NOP2: variants seen among roughly 807,000 people sequenced by gnomAD.
The protein encoded by NOP2 is 28S rRNA (cytosine(4447)-C(5))-methyltransferase.
NOP2 carries 7 observed loss-of-function variants against 72.7 expected under a neutral mutation model. That is an observed-to-expected ratio of 0.10 (90% CI 0.05 to 0.18). NOP2 has a LOEUF of 0.18. Ranked by LOEUF, NOP2 falls within the 10% of genes least tolerant of loss-of-function variation. NOP2 has a pLI of 1.00. For missense variants in NOP2, 954 were observed against 1,014.7 expected, an observed-to-expected ratio of 0.94 and a Z score of 0.81; for synonymous variants, 387 against 388.0, an observed-to-expected ratio of 1.00 and a Z score of 0.03.
In NOP2 at chr12:6,560,895, G is replaced by C. The variant is rs750899806; in HGVS notation, c.1347+36C>G. ...GGTCAGGAAGGGAGAAGGTCAACCGGAAGAAGCCTCAGAAGACACACAGCT... is the reference window on the plus strand; with the variant it reads ...GGTCAGGAAGGGAGAAGGTCAACCGCAAGAAGCCTCAGAAGACACACAGCT... On this transcript the variant is annotated intron_variant, in intron 12 of 15. Transcript: ENST00000322166. The surrounding 1 kb of genome is among the most constrained non-coding windows in gnomAD (Gnocchi z 5.0). 2 of 1,612,934 alleles carry C rather than the reference G, an allele frequency of 1.2e-6. No homozygotes were observed. Among genetic ancestry groups the C allele is most frequent in the South Asian group, 2.2e-5 (2 of 90,952 alleles).
At chr12:6,567,000 T>TTTCA (rs1392876063) in intron 2 of NOP2, among the ~76,000 whole-genome samples, 178 bp from the exon 3 acceptor site, 1 of 151,458 alleles carries the variant, frequency 6.6e-6, no homozygotes, top group Non-Finnish European at 1.5e-5. Flanking sequence ...TGAAATGGAG[T>TTTCA]TTCACTCTTG....
At chr12:6,562,014 A>T in intron 9 of NOP2, 43 bp from the exon 10 acceptor site, 1 of 1,361,254 alleles carries the variant, frequency 7.3e-7, no homozygotes, top group Non-Finnish European at 1.0e-6. Context: ...TTTGAGATGG[A>T]GTCTCACTCT....
rs575737375 is a variant in NOP2, at chr12:6,556,937, C to A, written c.*56G>T. 6.0e-5 allele frequency: 96 copies of A among 1,597,218 alleles called. No homozygotes were observed. In the African/African-American group the frequency reaches 1.2e-3, roughly 20 times the overall value. Reference sequence around the variant, plus strand: ...AGTAGAGAAGGCATCCTCACAGAGGCAAGAGTTCCAACCTGGTGACAATGG... The same window carrying A: ...AGTAGAGAAGGCATCCTCACAGAGGAAAGAGTTCCAACCTGGTGACAATGG... On this transcript the variant is annotated 3_prime_UTR_variant, in exon 16 of 16. Coordinates refer to ENST00000322166, the MANE Select transcript of NOP2 (RefSeq NM_001258308.2).
At position 6,560,227 on chromosome 12, in the gene NOP2, A is replaced by G; in HGVS notation, c.1660T>C (p.Phe554Leu). 6.2e-7 allele frequency: 1 copy of G among 1,613,892 alleles called. No homozygotes were observed. The highest frequency in any genetic ancestry group is 8.5e-7 in the Non-Finnish European group (1 of 1,179,876). Residue 554 changes from phenylalanine to leucine, a missense_variant, in exon 15 of 16, where the codon TTT becomes CTT. Around this residue, in one of 3 missense-constraint regions of NOP2, gnomAD observed 187 missense variants for 276.2 expected, o/e 0.68. Transcript: ENST00000322166. This position sits in a 1 kb window ranked among gnomAD's most constrained non-coding sequence, Gnocchi z 5.0. ...CTGGGGTGGAAGCGCCTTTCTCGAA[A>G]GCGGGTAAAACCTTCCTGGCCAAAG... is the stretch of plus-strand genomic sequence containing the variant. Reference protein sequence around the residue: ...LDFGQEGFTRFRERRFHPSLR... With the variant: ...LDFGQEGFTRLRERRFHPSLR...
intron 5 of NOP2, among the ~76,000 whole-genome samples, chr12:6,564,658 A>AC (rs1329659368): frequency 2.0e-5 from 3 of 151,234 alleles, no homozygotes; most frequent in Non-Finnish European, 2.9e-5. Flanking sequence ...TGAACTCCTG[A>AC]CCTCAGGTGA....
chr12:6,563,836 G>A (rs1306459447), intron 6 of NOP2, 55 bp downstream of exon 6: 2 of 1,612,836 alleles, frequency 1.2e-6, no homozygotes, highest in Non-Finnish European at 1.7e-6. Context: ...CTTCCTCACA[G>A]CTTCCCCACC....
rs199521899 is a variant in NOP2 at position 6,560,550 on chromosome 12, C to T, written c.1457G>A (p.Arg486His). Residue 486 changes from arginine (R) to histidine (H), a missense_variant, in exon 14 of 16, where the codon CGC (arginine) becomes CAC (histidine). By Grantham distance (29) the Arg-to-His change is conservative. Coordinates refer to ENST00000322166, the MANE Select transcript of NOP2 (RefSeq NM_001258308.2). The surrounding 1 kb of genome is among the most constrained non-coding windows in gnomAD (Gnocchi z 5.0). ...CAACTCCTTCTGGAGGTGAGCACAG[C>T]GCAGGATGTCCTTCTCATCCTGTCC... Reference protein sequence around the residue: ...KTNKDEKDILRCAHLQKELLL... With the variant: ...KTNKDEKDILHCAHLQKELLL... 1.6e-5 allele frequency: 26 copies of T among 1,599,712 alleles called. No individual in the cohort carries two copies. Among genetic ancestry groups the T allele is most frequent in the East Asian group, 4.5e-5 (2 of 44,556 alleles).
intron 11 of NOP2, among the ~76,000 whole-genome samples, 159 bp downstream of exon 11, chr12:6,561,505 C>A (rs1050270874): frequency 3.3e-5 from 5 of 152,224 alleles, no homozygotes; most frequent in African/African-American, 1.2e-4. Context: ...AAGTGGCACA[C>A]TGGAACCCAG....
rs371127829 is a variant in NOP2, at chr12:6,563,519, G to A, written c.689-5C>T. The A allele has an allele frequency of 2.2e-5, 35 of 1,612,498 alleles. No homozygotes were observed. In the African/African-American group the frequency reaches 3.1e-4, roughly 14 times the overall value. ...GCAGGTCTGGAGCCTGGGCATGTGG[G>A]CCTGTTAAGGAACTGTGTCATGATG... On this transcript the variant is annotated splice_region_variant and splice_polypyrimidine_tract_variant and intron_variant, in intron 7 of 15. Coordinates refer to ENST00000322166, the MANE Select transcript of NOP2 (RefSeq NM_001258308.2).
Position 6,557,247 on chromosome 12 carries a change from C to T in NOP2, c.2185G>A (p.Ala729Thr). ...PPKGTDTQTP[A>T]VLSPSKTQAT... The stretch of plus-strand genomic sequence containing the variant: ...TGAGTCTTGGATGGGGATAACACAG[C>T]CGGTGTTTGTGTGTCTGTGCCCTTG... Residue 729 changes from alanine to threonine, a missense_variant, in exon 16 of 16, where the codon GCT becomes ACT. Physicochemically the swap from Ala to Thr is moderately conservative, Grantham distance 58 (BLOSUM62 0). Around this residue, in one of 3 missense-constraint regions of NOP2, gnomAD observed 269 missense variants for 260.2 expected, o/e 1.03. Coordinates refer to ENST00000322166, the MANE Select transcript of NOP2 (RefSeq NM_001258308.2). 1 of 1,613,978 alleles carries T rather than the reference C, an allele frequency of 6.2e-7. No homozygotes were observed. Among genetic ancestry groups the T allele is most frequent in the Middle Eastern group, 1.7e-4 (1 of 6,060 alleles).
At chr12:6,562,286 C>T (rs1049047440) in intron 9 of NOP2, among the ~76,000 whole-genome samples, 3 of 152,094 alleles carry the variant, frequency 2.0e-5, no homozygotes, top group Non-Finnish European at 2.9e-5. Context: ...TCACCGCGCC[C>T]GGTAGGGATG....
intron 6 of NOP2, 42 bp downstream of exon 6, chr12:6,563,849 A>T: frequency 1.2e-6 from 2 of 1,613,460 alleles, no homozygotes; most frequent in Non-Finnish European, 1.7e-6. Context: ...TCCCCACCCC[A>T]GTGGCTTCCT....
At chr12:6,561,376 G>A (rs1396077404) in intron 11 of NOP2, among the ~76,000 whole-genome samples, 1 of 152,172 alleles carries the variant, frequency 6.6e-6, no homozygotes, top group Non-Finnish European at 1.5e-5. Context: ...CACTGCCAAG[G>A]ACTTCTAAAC....
In NOP2 at chr12:6,560,682, C is replaced by T. The variant is rs370795382; in HGVS notation, c.1437+16G>A. On this transcript the variant is annotated intron_variant, in intron 13 of 15. Transcript: ENST00000322166. This position sits in a 1 kb window ranked among gnomAD's most constrained non-coding sequence, Gnocchi z 5.0. ...CCAGCCAAGGCCTCTCAGGGGCCCA[C>T]CACCTGACTCCTCACCTTGTTAGTC... 8.8e-5 allele frequency: 142 copies of T among 1,613,108 alleles called. No individual in the cohort carries two copies. Among genetic ancestry groups the T allele is most frequent in the Non-Finnish European group, 1.1e-4 (129 of 1,179,458 alleles).
chr12:6,567,605 G>T, intron 2 of NOP2: 1 of 469,346 alleles, frequency 2.1e-6, no homozygotes, highest in Non-Finnish European at 3.8e-6. Context: ...CTTTTCCCTT[G>T]CATGAATAAT....
In NOP2 at chr12:6,556,922, G is replaced by C; in HGVS notation, c.*71C>G. ...TTCATGGGTATGCACAGTAGAGAAG[G>C]CATCCTCACAGAGGCAAGAGTTCCA... is the stretch of plus-strand genomic sequence containing the variant. On this transcript the variant is annotated 3_prime_UTR_variant, in exon 16 of 16. Coordinates refer to ENST00000322166, the MANE Select transcript of NOP2 (RefSeq NM_001258308.2). 3 of 1,543,144 alleles carry C rather than the reference G, an allele frequency of 1.9e-6. No homozygotes were observed. The highest frequency in any genetic ancestry group is 1.1e-5 in the South Asian group (1 of 87,766).
chr12:6,557,475 T>C lies in NOP2; in HGVS notation c.1957A>G (p.Ile653Val), dbSNP rs778930017. The change falls in exon 16 of 16, where the codon ATC becomes GTC. Residue 653 changes from isoleucine to valine, a missense_variant. Physicochemically the swap from Ile to Val is conservative, Grantham distance 29. Coordinates refer to ENST00000322166, the MANE Select transcript of NOP2 (RefSeq NM_001258308.2). ...KKASFQKLNG[I>V]SKGADSELST... The stretch of plus-strand genomic sequence containing the variant: ...AATTCTGAGTCTGCCCCTTTGGAGA[T>C]GCCATTCAGCTTCTGGAAGGAGGCC... 9 of 1,613,924 alleles carry C rather than the reference T, an allele frequency of 5.6e-6. No individual in the cohort carries two copies. The highest frequency in any genetic ancestry group is 2.2e-5 in the South Asian group (2 of 91,094).
At chr12:6,566,065 G>T in intron 5 of NOP2, 36 bp downstream of exon 5, 1 of 1,514,356 alleles carries the variant, frequency 6.6e-7, no homozygotes, top group Admixed American at 1.8e-5. Context: ...AAATAGCAAG[G>T]ATCCTTCTAT....
chr12:6,561,988 ATTT>A lies in NOP2; in HGVS notation c.979-20_979-18del, dbSNP rs370604185. 1,625 of 1,315,428 alleles carry A rather than the reference ATTT, an allele frequency of 1.2e-3. No individual in the cohort carries two copies. Among genetic ancestry groups the A allele is most frequent in the Non-Finnish European group, 1.5e-3 (1,388 of 947,366 alleles). 81.5% of individuals were successfully genotyped at this position (1,315,428 alleles called of 1,614,324 possible). A position where few individuals can be genotyped will look rare whatever the true frequency, so the allele number is the denominator to read the frequency against. ...GATTAGAGCCTGAAAAGGGATGAAG[ATTT>A]TTTTTTTTTTTTTTTGAGATGGAGT... On this transcript the variant is annotated intron_variant, in intron 9 of 15. Coordinates refer to ENST00000322166, the MANE Select transcript of NOP2 (RefSeq NM_001258308.2).
Sources: gnomAD v4.1 joint callset for allele counts (sites outside exome capture counted in the v4.1 genomes callset) on GRCh38, gnomAD v4.1.1 for gene constraint, gnomAD v4.1.1 regional missense constraint, Gnocchi (gnomAD v3.1) non-coding constraint, MANE v1.5 for transcripts, NCBI Gene and HGNC (gene_info 2026-07-23, HGNC 2026-07-21) for gene names.